Variants in EYA1 observed in about 807,000 individuals in gnomAD.
EYA1 encodes EYA transcriptional coactivator and phosphatase 1.
A neutral mutation model predicts 82.0 loss-of-function variants in EYA1; 16 were observed. That is an observed-to-expected ratio of 0.20 (90% confidence interval 0.13 to 0.30). The LOEUF (loss-of-function observed/expected upper bound fraction) is 0.30, where lower values mean the gene tolerates loss of function less well. Among genes scored for constraint, EYA1 ranks in the 10% least tolerant of loss-of-function variants. EYA1 has a pLI of 1.00. For synonymous variants in EYA1, 261 were observed against 264.4 expected (o/e 0.99, Z 0.12); for missense variants, 633 against 730.7 (o/e 0.87, Z 1.54).
intron 11 of EYA1, 66 bp from the exon 12 acceptor site, chr8:71,244,758 T>G (rs1812872871): frequency 1.0e-6 from 1 of 963,412 alleles, no homozygotes; most frequent in Admixed American, 1.8e-5. Flanking sequence ...GAGTGTCTCA[T>G]TAAGAGGAAG....
At chr8:71,502,108 T>C (rs1811853993) in intron 2 of EYA1, among the ~76,000 whole-genome samples, 1 of 152,208 alleles carries the variant, frequency 6.6e-6, no homozygotes, top group African/African-American at 2.4e-5. Context: ...AAAATGATTT[T>C]AAAAATGTCT....
chr8:71,245,960 G>A (rs560776259), intron 11 of EYA1, among the ~76,000 whole-genome samples: 6 of 152,240 alleles, frequency 3.9e-5, no homozygotes, highest in Non-Finnish European at 8.8e-5. Flanking sequence ...CTCCCTACAA[G>A]CCACCCTGAT....
At chr8:71,248,371 C>A (rs1813355555) in intron 11 of EYA1, among the ~76,000 whole-genome samples, 1 of 152,306 alleles carries the variant, frequency 6.6e-6, no homozygotes, top group South Asian at 2.1e-4. Context: ...GTAAAAAACA[C>A]AATTAACACT....
chr8:71,376,390 T>C (rs745434764), intron 2 of EYA1, among the ~76,000 whole-genome samples: 14 of 152,192 alleles, frequency 9.2e-5, no homozygotes, highest in Non-Finnish European at 2.1e-4. Flanking sequence ...TGTAATGAGA[T>C]GTTACTAAAG....
At chr8:71,294,385 G>T (rs1292979273) in intron 9 of EYA1, among the ~76,000 whole-genome samples, 1 of 152,020 alleles carries the variant, frequency 6.6e-6, no homozygotes, top group Non-Finnish European at 1.5e-5. Flanking sequence ...CGTGAACCCC[G>T]GGGGGCGGAG....
chr8:71,530,697 T>A (rs1814195845), intron 2 of EYA1, among the ~76,000 whole-genome samples: 2 of 152,206 alleles, frequency 1.3e-5, no homozygotes, highest in African/African-American at 4.8e-5. Context: ...AAATAAATAA[T>A]TAATTTTTCC....
intron 1 of EYA1, chr8:71,547,822 C>G (rs1339112249): frequency 6.6e-6 from 1 of 150,810 alleles, no homozygotes; most frequent in African/African-American, 2.4e-5. Context: ...GGAGCGGGCG[C>G]GGGGGACCCT....
intron 2 of EYA1, among the ~76,000 whole-genome samples, chr8:71,513,726 C>A (rs1302275070): frequency 6.6e-6 from 1 of 152,022 alleles, no homozygotes; most frequent in Admixed American, 6.6e-5. Flanking sequence ...TTTCTGTACC[C>A]CTTAACCCTC....
chr8:71,202,770 C>T (rs1037483832), intron 17 of EYA1, among the ~76,000 whole-genome samples: 7 of 152,140 alleles, frequency 4.6e-5, no homozygotes, highest in African/African-American at 1.2e-4. Flanking sequence ...GTAGTGATGT[C>T]GGCTGTAGTT....
chr8:71,479,623 G>GAAAAA (rs34377404), intron 2 of EYA1, among the ~76,000 whole-genome samples: 1 of 100,194 alleles, frequency 1.0e-5, no homozygotes. Flanking sequence ...CTTTCTTTAT[G>GAAAAA]AAAAAAAAAA....
At chr8:71,238,831 A>G (rs1812147207) in intron 12 of EYA1, among the ~76,000 whole-genome samples, 1 of 152,098 alleles carries the variant, frequency 6.6e-6, no homozygotes, top group South Asian at 2.1e-4. Context: ...ACTGCTGAAT[A>G]ATAGTGCTGA....
chr8:71,403,244 C>A (rs1830050619), intron 2 of EYA1, among the ~76,000 whole-genome samples: 1 of 152,082 alleles, frequency 6.6e-6, no homozygotes, highest in African/African-American at 2.4e-5. Context: ...CAAAATTGTT[C>A]AAAGAATATG....
At chr8:71,202,419 C>A (rs1395924162) in intron 17 of EYA1, among the ~76,000 whole-genome samples, 1 of 152,068 alleles carries the variant, frequency 6.6e-6, no homozygotes, top group South Asian at 2.1e-4. Context: ...TCAACACTAT[C>A]GGGAAAGGTG....
rs1284292341 is a variant in EYA1, at chr8:71,197,653, T to TAAAC, written c.*1683_*1686dup. 1.3e-5 allele frequency: 2 copies of TAAAC among 152,648 alleles called. No homozygotes were observed. Among genetic ancestry groups the TAAAC allele is most frequent in the Admixed American group, 6.5e-5 (1 of 15,284 alleles). 9.5% of individuals were successfully genotyped at this position (152,648 alleles called of 1,614,324 possible). A position where few individuals can be genotyped will look rare whatever the true frequency, so the allele number is the denominator to read the frequency against. ...GAAAAAACTAATTCAATTGTGAATT[T>TAAAC]AAACAATTTGGATAATTCACAAATG... On this transcript the variant is annotated 3_prime_UTR_variant, in exon 18 of 18. Coordinates refer to ENST00000340726, the MANE Select transcript of EYA1 (RefSeq NM_000503.6).
intron 2 of EYA1, among the ~76,000 whole-genome samples, chr8:71,416,173 A>AT (rs1830845082): frequency 2.6e-5 from 4 of 152,114 alleles, no homozygotes; most frequent in African/African-American, 9.7e-5. Flanking sequence ...CACTAGGGGC[A>AT]TTTTTTCCCT....
chr8:71,511,269 C>T (rs745767379), intron 2 of EYA1, among the ~76,000 whole-genome samples: 1 of 152,152 alleles, frequency 6.6e-6, no homozygotes, highest in Non-Finnish European at 1.5e-5. Flanking sequence ...GTACCTGTTA[C>T]ATTTCAGCAT....
intron 11 of EYA1, among the ~76,000 whole-genome samples, chr8:71,265,587 G>C (rs1303563870): frequency 4.0e-5 from 6 of 149,938 alleles, no homozygotes; most frequent in African/African-American, 1.5e-4. Context: ...CCTCCCACAG[G>C]AGGGGGACCA....
At chr8:71,232,755 A>G (rs1277900680) in intron 12 of EYA1, among the ~76,000 whole-genome samples, 1 of 149,798 alleles carries the variant, frequency 6.7e-6, no homozygotes, top group Admixed American at 6.6e-5. Flanking sequence ...CAAACCACTT[A>G]TTTTCTCATG....
At chr8:71,315,247 ATTAT>A (rs1046411178) in intron 7 of EYA1, among the ~76,000 whole-genome samples, 2 of 152,262 alleles carry the variant, frequency 1.3e-5, no homozygotes, top group Admixed American at 6.5e-5. Flanking sequence ...TTAAAAAATT[ATTAT>A]TTGATTCAAT....
Sources: gnomAD v4.1 joint callset for allele counts (sites outside exome capture counted in the v4.1 genomes callset) on GRCh38, gnomAD v4.1.1 for gene constraint, MANE v1.5 for transcripts, NCBI Gene and HGNC (gene_info 2026-07-23, HGNC 2026-07-21) for gene names.